Variants in GPRC5A observed in about 807,000 individuals in gnomAD.
GPRC5A encodes G protein-coupled receptor class C group 5 member A.
GPRC5A carries 19 observed loss-of-function variants against 22.5 expected under a neutral mutation model. The ratio of observed to expected loss-of-function variants is 0.85; its 90% CI spans 0.59 to 1.24. GPRC5A has a LOEUF of 1.24. Among genes scored for constraint, GPRC5A ranks in the 50% most tolerant of loss-of-function variants. The pLI, the probability that GPRC5A is intolerant of heterozygous loss-of-function variation, is 0.00. For missense variants in GPRC5A, 471 were observed against 451.1 expected (o/e 1.04, Z -0.40); for synonymous variants, 192 against 184.5 (o/e 1.04, Z -0.33).
chr12:12,900,908 A>AAC (rs1435823394), intron 1 of GPRC5A, among the ~76,000 whole-genome samples: 6 of 118,332 alleles, frequency 5.1e-5, no homozygotes, highest in Middle Eastern at 4.0e-3. Context: ...AAAAAAAAAA[A>AAC]AAAAACAAAA....
At chr12:12,898,551 A>G (rs571197650) in intron 1 of GPRC5A, among the ~76,000 whole-genome samples, 1 of 152,260 alleles carries the variant, frequency 6.6e-6, no homozygotes, top group East Asian at 1.9e-4. Context: ...AAAAAAAGAA[A>G]AAAGAAAGGA....
Position 12,908,444 on chromosome 12 carries a change from G to A in GPRC5A, c.195G>A (p.Leu65=). 1 of 1,614,042 alleles carries A rather than the reference G, an allele frequency of 6.2e-7. No individual in the cohort carries two copies. ...KVQDSNRRKM[L]PTQFLFLLGV... Reference sequence around the variant, plus strand: ...AGGACTCCAACAGGCGAAAAATGCTGCCTACTCAGTTTCTCTTCCTCCTGG... The same window carrying A: ...AGGACTCCAACAGGCGAAAAATGCTACCTACTCAGTTTCTCTTCCTCCTGG... Residue 65 remains leucine, a synonymous_variant, in exon 2 of 4, where the codon CTG becomes CTA. Coordinates refer to ENST00000014914, the MANE Select transcript of GPRC5A (RefSeq NM_003979.4).
At chr12:12,893,712 C>T (rs1397085919) in intron 1 of GPRC5A, among the ~76,000 whole-genome samples, 1 of 152,082 alleles carries the variant, frequency 6.6e-6, no homozygotes, top group East Asian at 1.9e-4. Context: ...TGGCCTATAG[C>T]CTCTTTCTGT....
chr12:12,911,927 G>T (rs1592352747), intron 2 of GPRC5A, among the ~76,000 whole-genome samples, 157 bp from the exon 3 acceptor site: 1 of 152,302 alleles, frequency 6.6e-6, no homozygotes, highest in Middle Eastern at 3.4e-3. Flanking sequence ...CTGGTCCTAG[G>T]CTTGAGGACC....
At chr12:12,908,174 C>T (rs1863962036) in intron 1 of GPRC5A, 69 bp from the exon 2 acceptor site, 2 of 1,088,768 alleles carry the variant, frequency 1.8e-6, no homozygotes, top group South Asian at 1.7e-5. Flanking sequence ...CTTTTTTAGT[C>T]TTCTGTGTCT....
rs2136463681 is a variant in GPRC5A, at chr12:12,912,923, G to A, written c.*384G>A. On this transcript the variant is annotated 3_prime_UTR_variant, in exon 4 of 4. Transcript: ENST00000014914. ...TGCAGCCTCGACCACCTGTGCTCAAGCAATCCTCCCATCTCCATCTCCCAA... is the reference window on the plus strand; with the variant it reads ...TGCAGCCTCGACCACCTGTGCTCAAACAATCCTCCCATCTCCATCTCCCAA... The A allele has an allele frequency of 5.7e-6, 1 of 176,970 alleles. No individual in the cohort carries two copies. The highest frequency in any genetic ancestry group is 1.5e-4 in the East Asian group (1 of 6,452). 11.0% of individuals were successfully genotyped at this position (176,970 alleles called of 1,614,324 possible). A position where few individuals can be genotyped will look rare whatever the true frequency, so the allele number is the denominator to read the frequency against.
chr12:12,896,638 G>A (rs575578561), intron 1 of GPRC5A, among the ~76,000 whole-genome samples: 2 of 152,148 alleles, frequency 1.3e-5, no homozygotes, highest in East Asian at 3.9e-4. Flanking sequence ...TCAGCACTCA[G>A]TCTTAGTCCA....
intron 1 of GPRC5A, among the ~76,000 whole-genome samples, chr12:12,907,450 C>A (rs1003288328): frequency 6.6e-6 from 1 of 151,056 alleles, no homozygotes; most frequent in Non-Finnish European, 1.5e-5. Context: ...TCAGATAACT[C>A]CTCTTATCCA....
intron 1 of GPRC5A, among the ~76,000 whole-genome samples, chr12:12,907,635 G>A (rs538637489): frequency 1.3e-5 from 2 of 151,656 alleles, no homozygotes; most frequent in East Asian, 3.9e-4. Context: ...ATATATACAC[G>A]TATATATATT....
At chr12:12,893,706 C>T (rs1033850821) in intron 1 of GPRC5A, among the ~76,000 whole-genome samples, 1 of 152,132 alleles carries the variant, frequency 6.6e-6, no homozygotes, top group African/African-American at 2.4e-5. Flanking sequence ...CAAATATGGC[C>T]TATAGCCTCT....
At chr12:12,906,527 C>T (rs1863943391) in intron 1 of GPRC5A, among the ~76,000 whole-genome samples, 1 of 151,966 alleles carries the variant, frequency 6.6e-6, no homozygotes, top group African/African-American at 2.4e-5. Context: ...GGGTCGAGAT[C>T]CAGCCTGGGT....
At chr12:12,891,951 G>A (rs956541032) in intron 1 of GPRC5A, 3 of 151,774 alleles carry the variant, frequency 2.0e-5, no homozygotes, top group Non-Finnish European at 4.4e-5. Context: ...CAAACTTTGA[G>A]TAGATGGAAT....
At position 12,900,622 on chromosome 12, in the gene GPRC5A, G is replaced by A. The variant is rs559648696; in HGVS notation, c.-7-7621G>A. Among the ~76,000 whole-genome samples, 5 of 152,108 alleles carry A rather than the reference G, an allele frequency of 3.3e-5. No homozygotes were observed. In the South Asian group the frequency reaches 8.3e-4, roughly 25 times the overall value. On this transcript the variant is annotated intron_variant, in intron 1 of 3. Transcript: ENST00000014914. ...TTCTAAACCTTTCTTTTGGGGCCGG[G>A]CACAGTGGCTCACGCCTGTAATCCC...
intron 1 of GPRC5A, among the ~76,000 whole-genome samples, chr12:12,894,772 GTTTTTTTT>G (rs56794431): frequency 7.4e-5 from 5 of 67,426 alleles, no homozygotes; most frequent in Non-Finnish European, 1.3e-4. Context: ...GTCTAGGATG[GTTTTTTTT>G]TTTTTTTTTT....
intron 1 of GPRC5A, among the ~76,000 whole-genome samples, chr12:12,895,113 A>G (rs1249184165): frequency 6.6e-6 from 1 of 152,054 alleles, no homozygotes; most frequent in Non-Finnish European, 1.5e-5. Flanking sequence ...AGCATCCCTA[A>G]TTATTATAAA....
At chr12:12,894,053 C>T (rs775438154) in intron 1 of GPRC5A, among the ~76,000 whole-genome samples, 30 of 152,194 alleles carry the variant, frequency 2.0e-4, no homozygotes, top group Admixed American at 1.0e-3. Context: ...TGAGCCACAA[C>T]CTGTAATCCA....
chr12:12,895,821 C>CAAAAAAAAAAAAAAAA (rs34696528), intron 1 of GPRC5A, among the ~76,000 whole-genome samples: 1 of 75,624 alleles, frequency 1.3e-5, no homozygotes, highest in African/African-American at 6.1e-5. Context: ...ACTAAAAATA[C>CAAAAAAAAAAAAAAAA]AAAAAAAAAA....
chr12:12,892,346 C>T (rs1039025503), intron 1 of GPRC5A, among the ~76,000 whole-genome samples: 2 of 152,128 alleles, frequency 1.3e-5, no homozygotes, highest in Non-Finnish European at 2.9e-5. Context: ...CCTTAAACAT[C>T]CATGGGGAAG....
At chr12:12,898,778 C>G (rs1028543725) in intron 1 of GPRC5A, among the ~76,000 whole-genome samples, 1 of 152,318 alleles carries the variant, frequency 6.6e-6, no homozygotes, top group Non-Finnish European at 1.5e-5. Flanking sequence ...TTTCCATTCC[C>G]AAAGCCCTGT....
Sources: gnomAD v4.1 joint callset for allele counts (sites outside exome capture counted in the v4.1 genomes callset) on GRCh38, gnomAD v4.1.1 for gene constraint, MANE v1.5 for transcripts, NCBI Gene and HGNC (gene_info 2026-07-23, HGNC 2026-07-21) for gene names.